OR10Z1: variants seen among roughly 807,000 people sequenced by gnomAD.
The protein encoded by OR10Z1 is olfactory receptor 10Z1.
For missense variants in OR10Z1, 468 were observed against 371.0 expected (o/e 1.26, Z -2.15); for synonymous variants, 187 against 151.2 (o/e 1.24, Z -1.74).
Position 158,607,278 on chromosome 1 carries a change from A to G in OR10Z1, c.840A>G (p.Val280=), listed in dbSNP as rs367573979. 2 of 1,614,028 alleles carry G rather than the reference A, an allele frequency of 1.2e-6. 1 individual carries two copies. The highest frequency in any genetic ancestry group is 1.7e-6 in the Non-Finnish European group (2 of 1,179,924). The stretch of plus-strand genomic sequence containing the variant: ...AGCTTATTGCCATGACCTATACTGT[A>G]GTGACCCCCCTCCTTAATCCCATTG... ...RDQLIAMTYT[V]VTPLLNPIVY... Residue 280 remains valine, a synonymous_variant, in exon 2 of 2, where the codon GTA becomes GTG. Transcript: ENST00000641002.
In OR10Z1 at chr1:158,612,008, C is replaced by G. The variant is rs1452789627; in HGVS notation, c.*4628C>G. ...AGGTATGATTGATAAAGAATTGCAC[C>G]TTTAATGTGTACAGTTTGATGAGTT... is the stretch of plus-strand genomic sequence containing the variant. On this transcript the variant is annotated 3_prime_UTR_variant, in exon 2 of 2. Transcript: ENST00000641002. The G allele has an allele frequency of 6.4e-6, 1 of 156,036 alleles. No homozygotes were observed. Among genetic ancestry groups the G allele is most frequent in the Non-Finnish European group, 1.4e-5 (1 of 70,798 alleles). The allele number at this position is 156,036 out of a possible 1,614,324, so 9.7% of individuals were successfully genotyped here. A position where few individuals can be genotyped will look rare whatever the true frequency, so the allele number is the denominator to read the frequency against.
chr1:158,606,823 C>T lies in OR10Z1; in HGVS notation c.385C>T (p.Pro129Ser), dbSNP rs1649063393. ...TGACAGATATGTGGCCATCTGTGCT[C>T]CACTCCACTATGCCAGCCACATGAA... ...GFDRYVAICA[P>S]LHYASHMNPT... Residue 129 changes from proline to serine, a missense_variant, in exon 2 of 2, where the codon CCA (proline) becomes TCA (serine). By Grantham distance (74) the Pro-to-Ser change is moderately conservative. Transcript: ENST00000641002. 1.2e-6 allele frequency: 2 copies of T among 1,614,004 alleles called. No homozygotes were observed.
chr1:158,608,678 T>A lies in OR10Z1; in HGVS notation c.*1298T>A, dbSNP rs1393438877. On this transcript the variant is annotated 3_prime_UTR_variant, in exon 2 of 2. Transcript: ENST00000641002. ...TCCTAAAGGATGGGTGAGCTTTGAA[T>A]GCACTGACTGGGGAGAAAGTACATT... 2 of 152,168 alleles carry A rather than the reference T, an allele frequency of 1.3e-5. No homozygotes were observed. Among genetic ancestry groups the A allele is most frequent in the Non-Finnish European group, 2.9e-5 (2 of 68,022 alleles). 9.4% of individuals were successfully genotyped at this position (152,168 alleles called of 1,614,324 possible).
Position 158,606,722 on chromosome 1 carries a change from T to G in OR10Z1, c.284T>G (p.Val95Gly). ...LAGGDQAISY[V>G]GCAAQMFFSA... ...GGGGGGGACCAGGCTATCTCCTATG[T>G]GGGCTGTGCTGCCCAGATGTTCTTT... Residue 95 changes from valine to glycine, a missense_variant, in exon 2 of 2, where the codon GTG becomes GGG. Val to Gly is a moderately radical substitution (Grantham distance 109). Transcript: ENST00000641002. 2 of 1,614,102 alleles carry G rather than the reference T, an allele frequency of 1.2e-6. No homozygotes were observed. The highest frequency in any genetic ancestry group is 1.7e-6 in the Non-Finnish European group (2 of 1,179,982).
chr1:158,606,397 G>A lies in OR10Z1; in HGVS notation c.-42G>A, dbSNP rs773667438. On this transcript the variant is annotated 5_prime_UTR_variant, in exon 2 of 2. The change creates a new upstream start codon in the 5' untranslated region. Transcript: ENST00000641002. ...AAGAAGTTAGGCATCTACTGGCAAG[G>A]TGGAAGAAATCAACAAATCTATCAG... 6 of 1,297,642 alleles carry A rather than the reference G, an allele frequency of 4.6e-6. No individual in the cohort carries two copies. The African/African-American group carries it at 5.9e-5, about 13-fold the overall frequency. The allele number at this position is 1,297,642 out of a possible 1,614,324, so 80.4% of individuals were successfully genotyped here.
chr1:158,611,233 AGAT>A lies in OR10Z1; in HGVS notation c.*3854_*3856del. The A allele has an allele frequency of 1.2e-6, 2 of 1,611,908 alleles. No homozygotes were observed. Among genetic ancestry groups the A allele is most frequent in the South Asian group, 2.2e-5 (2 of 91,042 alleles). ...CCCCAGTAAATTTCCCACGACACTA[AGAT>A]TTTCTACGATCCACGAGGAGCTGCT... On this transcript the variant is annotated 3_prime_UTR_variant, in exon 2 of 2. Transcript: ENST00000641002.
chr1:158,611,132 C>CACACACAT lies in OR10Z1; in HGVS notation c.*3759_*3760insTACACACA. 2.7e-5 allele frequency: 4 copies of CACACACAT among 150,464 alleles called. No individual in the cohort carries two copies. The South Asian group carries it at 2.8e-4, about 11-fold the overall frequency. 9.3% of individuals were successfully genotyped at this position (150,464 alleles called of 1,614,324 possible). A position where few individuals can be genotyped will look rare whatever the true frequency, so the allele number is the denominator to read the frequency against. On this transcript the variant is annotated 3_prime_UTR_variant, in exon 2 of 2. Transcript: ENST00000641002. ...AATGTAATATGCACACAAACACAAG[C>CACACACAT]ACACACACACACACACACACACACA...
rs944065448 is a variant in OR10Z1, at chr1:158,609,012, C to T, written c.*1632C>T. The T allele has an allele frequency of 6.6e-6, 1 of 152,050 alleles. No homozygotes were observed. Among genetic ancestry groups the T allele is most frequent in the Non-Finnish European group, 1.5e-5 (1 of 68,028 alleles). The allele number at this position is 152,050 out of a possible 1,614,324, so 9.4% of individuals were successfully genotyped here. On this transcript the variant is annotated 3_prime_UTR_variant, in exon 2 of 2. Transcript: ENST00000641002. ...AGAGAGAAACCAGAGGCAAGGAGAT[C>T]AGCAAGAAACCCATGGATATCAGCT...
rs182418945 is a variant in OR10Z1, at chr1:158,608,039, T to C, written c.*659T>C. The stretch of plus-strand genomic sequence containing the variant: ...ACAGTAGCAAAAACATGGAATCATC[T>C]TTTTATATAGTTGTCCTCACTATCT... On this transcript the variant is annotated 3_prime_UTR_variant, in exon 2 of 2. Transcript: ENST00000641002. 11 of 152,300 alleles carry C rather than the reference T, an allele frequency of 7.2e-5. No homozygotes were observed. The East Asian group carries it at 1.2e-3, about 16-fold the overall frequency. The allele number at this position is 152,300 out of a possible 1,614,324, so 9.4% of individuals were successfully genotyped here.
rs55832242 is a variant in OR10Z1 at position 158,611,131 on chromosome 1, G to GCACA, written c.*3783_*3786dup. ...AAATGTAATATGCACACAAACACAA[G>GCACA]CACACACACACACACACACACACAC... is the stretch of plus-strand genomic sequence containing the variant. On this transcript the variant is annotated 3_prime_UTR_variant, in exon 2 of 2. Coordinates refer to ENST00000641002, the MANE Select transcript of OR10Z1 (RefSeq NM_001004478.2). The GCACA allele has an allele frequency of 0.072, 47,896 of 667,594 alleles. 814 individuals carry two copies. The highest frequency in any genetic ancestry group is 0.087 in the African/African-American group (4,644 of 53,370). 41.4% of individuals were successfully genotyped at this position (667,594 alleles called of 1,614,324 possible).
rs1363444411 is a variant in OR10Z1 at position 158,608,534 on chromosome 1, T to A, written c.*1154T>A. 3 of 152,178 alleles carry A rather than the reference T, an allele frequency of 2.0e-5. No individual in the cohort carries two copies. The highest frequency in any genetic ancestry group is 7.2e-5 in the African/African-American group (3 of 41,454). The allele number at this position is 152,178 out of a possible 1,614,324, so 9.4% of individuals were successfully genotyped here. A position where few individuals can be genotyped will look rare whatever the true frequency, so the allele number is the denominator to read the frequency against. On this transcript the variant is annotated 3_prime_UTR_variant, in exon 2 of 2. Transcript: ENST00000641002. ...GGATCATAGCGATCGTCCAATAAAT[T>A]CCAGTTGCTACTATTAAAATGTGTG...
chr1:158,605,969 G>T (rs959876936), intron 1 of OR10Z1, among the ~76,000 whole-genome samples: 4 of 152,192 alleles, frequency 2.6e-5, no homozygotes, highest in Non-Finnish European at 5.9e-5. Flanking sequence ...CTTTATATGT[G>T]ATGTGTGTAT....
rs1432191762 is a variant in OR10Z1 at position 158,608,837 on chromosome 1, T to C, written c.*1457T>C. On this transcript the variant is annotated 3_prime_UTR_variant, in exon 2 of 2. Coordinates refer to ENST00000641002, the MANE Select transcript of OR10Z1 (RefSeq NM_001004478.2). Reference sequence around the variant, plus strand: ...TGAGAAGTTAGTTTGAGTCATGACTTACTTGTTGAAATAATTTGAATACCT... The same window carrying C: ...TGAGAAGTTAGTTTGAGTCATGACTCACTTGTTGAAATAATTTGAATACCT... 4 of 152,184 alleles carry C rather than the reference T, an allele frequency of 2.6e-5. No individual in the cohort carries two copies. The highest frequency in any genetic ancestry group is 9.7e-5 in the African/African-American group (4 of 41,440). The allele number at this position is 152,184 out of a possible 1,614,324, so 9.4% of individuals were successfully genotyped here.
At position 158,610,341 on chromosome 1, in the gene OR10Z1, C is replaced by T. The variant is rs1571361623; in HGVS notation, c.*2961C>T. On this transcript the variant is annotated 3_prime_UTR_variant, in exon 2 of 2. Transcript: ENST00000641002. ...TCTAAGAATTCTCACCAGCAAATGACACCATTACCTTTTATAGATCAAATC... is the reference window on the plus strand; with the variant it reads ...TCTAAGAATTCTCACCAGCAAATGATACCATTACCTTTTATAGATCAAATC... 1 of 152,106 alleles carries T rather than the reference C, an allele frequency of 6.6e-6. No homozygotes were observed. Among genetic ancestry groups the T allele is most frequent in the East Asian group, 1.9e-4 (1 of 5,196 alleles). The allele number at this position is 152,106 out of a possible 1,614,324, so 9.4% of individuals were successfully genotyped here.
At position 158,611,166 on chromosome 1, in the gene OR10Z1, C is replaced by CAT. The variant is rs1553221961; in HGVS notation, c.*3786_*3787insAT. The CAT allele has an allele frequency of 2.9e-6, 4 of 1,387,714 alleles. No individual in the cohort carries two copies. Among genetic ancestry groups the CAT allele is most frequent in the Middle Eastern group, 1.9e-4 (1 of 5,224 alleles). 86.0% of individuals were successfully genotyped at this position (1,387,714 alleles called of 1,614,324 possible). ...ACACACACACACACACACACACACA[C>CAT]GAGGCCATCTTTATCTTCCACATTT... is the stretch of plus-strand genomic sequence containing the variant. On this transcript the variant is annotated 3_prime_UTR_variant, in exon 2 of 2. Coordinates refer to ENST00000641002, the MANE Select transcript of OR10Z1 (RefSeq NM_001004478.2).
rs1649054771 is a variant in OR10Z1 at position 158,606,575 on chromosome 1, T to A, written c.137T>A (p.Ile46Asn). The change falls in exon 2 of 2, where the codon ATC becomes AAC. Residue 46 changes from isoleucine to asparagine, a missense_variant. Transcript: ENST00000641002. ...LVTLTSNVFI[I>N]IAIRLDSHLH... ...ACTCTGACCAGCAATGTCTTCATTA[T>A]CATAGCCATCAGGCTGGATAGCCAT... The A allele has an allele frequency of 3.1e-6, 5 of 1,613,952 alleles. No individual in the cohort carries two copies. The highest frequency in any genetic ancestry group is 4.2e-6 in the Non-Finnish European group (5 of 1,179,938).
rs774546981 is a variant in OR10Z1, at chr1:158,606,993, G to T, written c.555G>T (p.Leu185=). The T allele has an allele frequency of 6.2e-7, 1 of 1,614,068 alleles. No individual in the cohort carries two copies. The highest frequency in any genetic ancestry group is 8.5e-7 in the Non-Finnish European group (1 of 1,179,978). Residue 185 remains leucine (L), a synonymous_variant, in exon 2 of 2, where the codon CTG becomes CTT. Transcript: ENST00000641002. ...TTTTTTGTGACACGCCACCTGTGCT[G>T]AGCCTAGCCTGTGGAGATACAGGCC... is the stretch of plus-strand genomic sequence containing the variant. ...QHFFCDTPPV[L]SLACGDTGPS...
rs57511663 is a variant in OR10Z1 at position 158,611,720 on chromosome 1, T to C, written c.*4340T>C. 0.26 allele frequency: 72,537 copies of C among 275,928 alleles called. 10,098 individuals are homozygous for C. The highest frequency in any genetic ancestry group is 0.29 in the Middle Eastern group (224 of 764). The allele number at this position is 275,928 out of a possible 1,614,324, so 17.1% of individuals were successfully genotyped here. On this transcript the variant is annotated 3_prime_UTR_variant, in exon 2 of 2. Transcript: ENST00000641002. ...GATCTATTTCATCTTCCTGGCTGCT[T>C]TGAGATGTGGGGACTAGCATGTTTT... is the stretch of plus-strand genomic sequence containing the variant.
Position 158,611,127 on chromosome 1 carries a change from A to G in OR10Z1, c.*3747A>G. 2 of 1,071,882 alleles carry G rather than the reference A, an allele frequency of 1.9e-6. No homozygotes were observed. The highest frequency in any genetic ancestry group is 2.7e-6 in the Non-Finnish European group (2 of 741,934). 66.4% of individuals were successfully genotyped at this position (1,071,882 alleles called of 1,614,324 possible). On this transcript the variant is annotated 3_prime_UTR_variant, in exon 2 of 2. Coordinates refer to ENST00000641002, the MANE Select transcript of OR10Z1 (RefSeq NM_001004478.2). Reference sequence around the variant, plus strand: ...CAATAAATGTAATATGCACACAAACACAAGCACACACACACACACACACAC... The same window carrying G: ...CAATAAATGTAATATGCACACAAACGCAAGCACACACACACACACACACAC...
Sources: allele counts gnomAD v4.1 joint callset (sites outside exome capture counted in the v4.1 genomes callset), GRCh38; gene constraint gnomAD v4.1.1; transcripts MANE v1.5; gene names NCBI Gene and HGNC (gene_info 2026-07-23, HGNC 2026-07-21).